SLC4A10: variants seen among roughly 807,000 people sequenced by gnomAD.
The protein encoded by SLC4A10 is solute carrier family 4 member 10.
In SLC4A10, 42 loss-of-function variants were observed where a neutral mutation model predicts 137.7. The ratio of observed to expected loss-of-function variants is 0.30; its 90% CI spans 0.24 to 0.39. SLC4A10 has a LOEUF of 0.39. Among genes scored for constraint, SLC4A10 ranks in the 10% least tolerant of loss-of-function variants. The pLI is 1.00. For synonymous variants in SLC4A10, 474 were observed against 464.1 expected (o/e 1.02, Z -0.27); for missense variants, 925 against 1,355.0 (o/e 0.68, Z 4.98).
At chr2:161,672,205 C>A (rs914428259) in intron 1 of SLC4A10, among the ~76,000 whole-genome samples, 4 of 151,896 alleles carry the variant, frequency 2.6e-5, no homozygotes, top group African/African-American at 9.7e-5. Flanking sequence ...GCATAACAGC[C>A]CTGGTGATCT....
chr2:161,776,891 G>T (rs986956685), intron 2 of SLC4A10, among the ~76,000 whole-genome samples: 3 of 145,706 alleles, frequency 2.1e-5, no homozygotes, highest in Non-Finnish European at 3.0e-5. Context: ...GTGTGTGTGT[G>T]TTTTGATAGT....
Position 161,957,327 on chromosome 2 carries a change from G to A in SLC4A10, c.2793+87G>A, listed in dbSNP as rs1463104884. 3.5e-6 allele frequency: 5 copies of A among 1,439,288 alleles called. No homozygotes were observed. The East Asian group carries it at 7.1e-5, about 20-fold the overall frequency. The allele number at this position is 1,439,288 out of a possible 1,614,324, so 89.2% of individuals were successfully genotyped here. A position where few individuals can be genotyped will look rare whatever the true frequency, so the allele number is the denominator to read the frequency against. On this transcript the variant is annotated intron_variant, in intron 20 of 26. Transcript: ENST00000446997. ...TCATTTGAATCTGAGCCATAAATTT[G>A]CAAATATTGTGTGGCATGTGATGAA...
intron 3 of SLC4A10, among the ~76,000 whole-genome samples, chr2:161,827,518 T>A (rs1216363438): frequency 6.6e-6 from 1 of 152,188 alleles, no homozygotes; most frequent in East Asian, 1.9e-4. Context: ...ATCATCATTA[T>A]AACCATCACC....
chr2:161,904,377 C>G (rs1419706182), intron 13 of SLC4A10, among the ~76,000 whole-genome samples, 199 bp downstream of exon 13: 1 of 152,122 alleles, frequency 6.6e-6, no homozygotes, highest in Non-Finnish European at 1.5e-5. Context: ...ATAACTAGTT[C>G]TGAGTCTTAC....
In SLC4A10 at chr2:161,821,722, A is replaced by G. The variant is rs568812703; in HGVS notation, c.277+17127A>G. 1.6e-4 allele frequency among the ~76,000 whole-genome samples: 25 copies of G among 152,358 alleles called. No homozygotes were observed. In the South Asian group the frequency reaches 5.2e-3, roughly 32 times the overall value. Reference sequence around the variant, plus strand: ...TACTATTTTAAGGTGTCTATTTTTAATAGACATGAAAAATGGGTGTTGAAT... The same window carrying G: ...TACTATTTTAAGGTGTCTATTTTTAGTAGACATGAAAAATGGGTGTTGAAT... On this transcript the variant is annotated intron_variant, in intron 3 of 26. Transcript: ENST00000446997.
intron 1 of SLC4A10, among the ~76,000 whole-genome samples, chr2:161,637,345 C>T (rs1448292656): frequency 1.3e-5 from 2 of 151,578 alleles, no homozygotes; most frequent in Non-Finnish European, 1.5e-5. Flanking sequence ...ACTACAGGTG[C>T]CTGCCACCAC....
intron 1 of SLC4A10, among the ~76,000 whole-genome samples, chr2:161,691,340 G>A (rs2041979974): frequency 6.6e-6 from 1 of 150,838 alleles, no homozygotes; most frequent in Non-Finnish European, 1.5e-5. Flanking sequence ...GGTGGGGTGG[G>A]GGTGACGTTG....
intron 24 of SLC4A10, among the ~76,000 whole-genome samples, chr2:161,976,367 A>G (rs1472814103): frequency 6.6e-6 from 1 of 152,224 alleles, no homozygotes; most frequent in Non-Finnish European, 1.5e-5. Flanking sequence ...AAAGACAAAT[A>G]CTGTATGATT....
At chr2:161,895,210 AATTTC>A (rs1265130045) in intron 11 of SLC4A10, among the ~76,000 whole-genome samples, 2 of 151,848 alleles carry the variant, frequency 1.3e-5, no homozygotes. Flanking sequence ...GATGATTTCC[AATTTC>A]ATCCATGTCC....
At chr2:161,898,385 G>T (rs1048191683) in intron 11 of SLC4A10, among the ~76,000 whole-genome samples, 3 of 152,030 alleles carry the variant, frequency 2.0e-5, no homozygotes, top group Non-Finnish European at 4.4e-5. Context: ...TATGCTCTAT[G>T]CTTCTTTTCA....
At chr2:161,849,343 C>T (rs140801576) in intron 4 of SLC4A10, among the ~76,000 whole-genome samples, 100 of 152,146 alleles carry the variant, frequency 6.6e-4, no homozygotes, top group Admixed American at 1.6e-3. Context: ...ATATCATTTG[C>T]GAAGAGAGAT....
intron 1 of SLC4A10, among the ~76,000 whole-genome samples, chr2:161,672,652 A>C (rs2039864416): frequency 6.6e-6 from 1 of 152,136 alleles, no homozygotes; most frequent in Non-Finnish European, 1.5e-5. Context: ...TGTGCATATC[A>C]ACTTCTGTCC....
chr2:161,943,719 C>T (rs1302574766), intron 16 of SLC4A10, among the ~76,000 whole-genome samples: 2 of 151,976 alleles, frequency 1.3e-5, no homozygotes, highest in African/African-American at 2.4e-5. Context: ...AAACCTTCTA[C>T]CACTTTACCT....
chr2:161,873,867 T>G, intron 7 of SLC4A10, 49 bp from the exon 8 acceptor site: 1 of 1,548,270 alleles, frequency 6.5e-7, no homozygotes, highest in Non-Finnish European at 8.7e-7. Context: ...TGGCGGAGTC[T>G]CCGTGGGAGC....
At chr2:161,839,679 G>A (rs1003204274) in intron 3 of SLC4A10, 110 bp from the exon 4 acceptor site, 2 of 1,231,942 alleles carry the variant, frequency 1.6e-6, no homozygotes, top group Admixed American at 2.1e-5. Context: ...GGAGGTGTGA[G>A]CTTGGGGTGG....
At chr2:161,979,332 A>G (rs1699869902) in intron 26 of SLC4A10, among the ~76,000 whole-genome samples, 1 of 152,218 alleles carries the variant, frequency 6.6e-6, no homozygotes, top group Admixed American at 6.5e-5. Flanking sequence ...TAGTGGGTTG[A>G]CTCTAGTGAA....
intron 1 of SLC4A10, among the ~76,000 whole-genome samples, chr2:161,717,014 A>T (rs777686764): frequency 2.0e-5 from 3 of 152,042 alleles, no homozygotes; most frequent in African/African-American, 7.2e-5. Flanking sequence ...GGTCCTTCAC[A>T]TTCCTTGTTA....
Position 161,855,060 on chromosome 2 carries a change from A to G in SLC4A10, c.507A>G (p.Glu169=), listed in dbSNP as rs762648628. The change falls in exon 5 of 27, where the codon GAA becomes GAG. Residue 169 remains glutamate (E), a synonymous_variant. Coordinates refer to ENST00000446997, the MANE Select transcript of SLC4A10 (RefSeq NM_001178015.2). ...CTCTTTCATTGCACAGCTTGTTTGA[A>G]TTGAGAAGTTGTATTCTGAATGGAA... ...VATLSLHSLF[E]LRSCILNGTV... The G allele has an allele frequency of 3.7e-6, 6 of 1,613,516 alleles. No individual in the cohort carries two copies. Among genetic ancestry groups the G allele is most frequent in the Non-Finnish European group, 5.1e-6 (6 of 1,179,624 alleles).
At chr2:161,757,566 T>C (rs560724602) in intron 1 of SLC4A10, among the ~76,000 whole-genome samples, 9 of 152,266 alleles carry the variant, frequency 5.9e-5, no homozygotes, top group Admixed American at 5.2e-4. Context: ...CCCAATTTTG[T>C]ACATAAGGAA....
Sources: gnomAD v4.1 joint callset for allele counts (sites outside exome capture counted in the v4.1 genomes callset) on GRCh38, gnomAD v4.1.1 for gene constraint, MANE v1.5 for transcripts, NCBI Gene and HGNC (gene_info 2026-07-23, HGNC 2026-07-21) for gene names.